ZBBX: variants seen among roughly 807,000 people sequenced by gnomAD.
ZBBX encodes zinc finger B-box domain containing.
ZBBX carries 101 observed loss-of-function variants against 108.5 expected under a neutral mutation model. That is an observed-to-expected ratio of 0.93 (90% confidence interval 0.79 to 1.10). The LOEUF (loss-of-function observed/expected upper bound fraction) is 1.10. ZBBX is among the 50% of genes least tolerant of loss of function. ZBBX has a pLI of 0.00. For missense variants in ZBBX, 1,009 were observed against 941.4 expected (o/e 1.07, Z -0.94); for synonymous variants, 356 against 323.4 (o/e 1.10, Z -1.08).
At chr3:167,322,354 A>G (rs1736590607) in intron 11 of ZBBX, 117 bp from the exon 12 acceptor site, 1 of 769,344 alleles carries the variant, frequency 1.3e-6, no homozygotes, top group Non-Finnish European at 1.8e-6. Flanking sequence ...ATATTTACTT[A>G]TACAATCAAT....
chr3:167,315,139 C>T (rs1735224433), intron 15 of ZBBX, among the ~76,000 whole-genome samples: 1 of 152,104 alleles, frequency 6.6e-6, no homozygotes, highest in African/African-American at 2.4e-5. Context: ...AATTCCACTC[C>T]ACTGTTTACA....
intron 20 of ZBBX, among the ~76,000 whole-genome samples, chr3:167,257,207 TC>T (rs1723679502): frequency 6.6e-6 from 1 of 152,168 alleles, no homozygotes; most frequent in African/African-American, 2.4e-5. Context: ...TATTTCTTTT[TC>T]AGATTGTTCA....
chr3:167,285,288 C>A (rs1325141326), intron 19 of ZBBX, among the ~76,000 whole-genome samples: 1 of 151,902 alleles, frequency 6.6e-6, no homozygotes, highest in African/African-American at 2.4e-5. Context: ...CTAAATATAA[C>A]AATAGAATTA....
the ZBBX span, among the ~76,000 whole-genome samples, chr3:167,202,932 A>C: frequency 2.6e-5 from 4 of 152,256 alleles, no homozygotes; most frequent in East Asian, 5.8e-4. Flanking sequence ...ATATCTTACA[A>C]TAGGGAATAG....
intron 1 of ZBBX, among the ~76,000 whole-genome samples, chr3:167,400,223 T>C (rs953861262): frequency 6.6e-6 from 1 of 152,156 alleles, no homozygotes. Context: ...ATATACCCAG[T>C]AGTGGGATTT....
At chr3:167,338,713 A>G (rs775887236) in intron 9 of ZBBX, among the ~76,000 whole-genome samples, 1 of 152,154 alleles carries the variant, frequency 6.6e-6, no homozygotes, top group Non-Finnish European at 1.5e-5. Context: ...TGAAAACTCT[A>G]AACTCTGCAG....
chr3:167,331,144 C>T (rs750661867), intron 10 of ZBBX, among the ~76,000 whole-genome samples: 5 of 150,716 alleles, frequency 3.3e-5, no homozygotes, highest in East Asian at 2.0e-4. Flanking sequence ...TTGTTTAAAC[C>T]GCTCAGTTGG....
At chr3:167,298,607 TA>T in intron 17 of ZBBX, 149 bp from the exon 18 acceptor site, 1 of 482,908 alleles carries the variant, frequency 2.1e-6, no homozygotes, top group Non-Finnish European at 3.5e-6. Context: ...AGACAAATAA[TA>T]AAACAACATT....
chr3:167,248,753 G>A (rs1722042553), intron 20 of ZBBX: 1 of 427,404 alleles, frequency 2.3e-6, no homozygotes, highest in Admixed American at 2.5e-5. Flanking sequence ...CTCACGGAAG[G>A]AGGCCATGCT....
At chr3:167,182,000 G>A in the ZBBX span, among the ~76,000 whole-genome samples, 1 of 152,122 alleles carries the variant, frequency 6.6e-6, no homozygotes, top group African/African-American at 2.4e-5. Flanking sequence ...CGAAATTGGG[G>A]TCCCATCTTT....
chr3:167,323,247 G>GC (rs1330765552), intron 11 of ZBBX, among the ~76,000 whole-genome samples: 84 of 148,130 alleles, frequency 5.7e-4, no homozygotes, highest in African/African-American at 2.0e-3. Flanking sequence ...GAGGGGGGGG[G>GC]GGGAAAGAAC....
chr3:167,222,265 A>G, the ZBBX span, among the ~76,000 whole-genome samples: 203 of 151,918 alleles, frequency 1.3e-3, no homozygotes, highest in African/African-American at 4.8e-3. Context: ...AACAACATGG[A>G]TGGAACTGGA....
chr3:167,204,204 T>C, the ZBBX span, among the ~76,000 whole-genome samples: 1 of 149,874 alleles, frequency 6.7e-6, no homozygotes, highest in Non-Finnish European at 1.5e-5. Context: ...TTTTCTTTTT[T>C]TTTTTTTTAA....
chr3:167,183,881 C>G, the ZBBX span, among the ~76,000 whole-genome samples: 33 of 152,064 alleles, frequency 2.2e-4, no homozygotes, highest in Admixed American at 5.2e-4. Flanking sequence ...CTGTTTATGG[C>G]CAGATTTAGG....
chr3:167,377,027 G>T (rs1361937624), intron 2 of ZBBX, among the ~76,000 whole-genome samples: 1 of 151,946 alleles, frequency 6.6e-6, no homozygotes, highest in African/African-American at 2.4e-5. Flanking sequence ...TGGTCATTCA[G>T]TTTTTTTTAT....
rs192143382 is a variant in ZBBX at position 167,339,273 on chromosome 3, G to A, written c.529-5288C>T. 2.4e-3 allele frequency among the ~76,000 whole-genome samples: 365 copies of A among 152,170 alleles called. 1 individual carries two copies. Among genetic ancestry groups the A allele is most frequent in the African/African-American group, 8.5e-3 (353 of 41,536 alleles). On this transcript the variant is annotated intron_variant, in intron 9 of 21. Transcript: ENST00000675490. ...AATGCCTCCCCTTAGCTTAAGTTCTGACTGTTTTAGGGACTTCAACAACCC... is the reference window on the plus strand; with the variant it reads ...AATGCCTCCCCTTAGCTTAAGTTCTAACTGTTTTAGGGACTTCAACAACCC...
chr3:167,290,749 C>T (rs892047396), intron 18 of ZBBX, among the ~76,000 whole-genome samples: 1 of 152,092 alleles, frequency 6.6e-6, no homozygotes, highest in Non-Finnish European at 1.5e-5. Flanking sequence ...TGGGTAATAA[C>T]AAACTCCTCT....
chr3:167,343,264 G>T (rs369705762), intron 9 of ZBBX, among the ~76,000 whole-genome samples: 2 of 151,802 alleles, frequency 1.3e-5, no homozygotes, highest in African/African-American at 4.8e-5. Context: ...AAACATCACA[G>T]AAATACTCAC....
In ZBBX at chr3:167,267,681, T is replaced by C. The variant is rs140808673; in HGVS notation, c.2254+14557A>G. On this transcript the variant is annotated intron_variant, in intron 20 of 21. Coordinates refer to ENST00000675490, the MANE Select transcript of ZBBX (RefSeq NM_001199201.2). Reference sequence around the variant, plus strand: ...ATCAACTCCTAATTCAACATGTAAATGATAAAAGTTCAGTGTTCTCAAGAG... The same window carrying C: ...ATCAACTCCTAATTCAACATGTAAACGATAAAAGTTCAGTGTTCTCAAGAG... Among the ~76,000 whole-genome samples, 363 of 152,282 alleles carry C rather than the reference T, an allele frequency of 2.4e-3. 2 individuals are homozygous for C. Among genetic ancestry groups the C allele is most frequent in the African/African-American group, 7.3e-3 (305 of 41,558 alleles).
Sources: allele counts gnomAD v4.1 joint callset (sites outside exome capture counted in the v4.1 genomes callset), GRCh38; gene constraint gnomAD v4.1.1; transcripts MANE v1.5; gene names NCBI Gene and HGNC (gene_info 2026-07-23, HGNC 2026-07-21).